SLC30A6: variants seen among roughly 807,000 people sequenced by gnomAD.
SLC30A6 encodes the protein zinc transporter 6.
A neutral mutation model predicts 63.0 loss-of-function variants in SLC30A6; 55 were observed. The ratio of observed to expected loss-of-function variants is 0.87; its 90% CI spans 0.70 to 1.09. The LOEUF is 1.09. Among genes scored for constraint, SLC30A6 ranks in the 50% least tolerant of loss-of-function variants. SLC30A6 has a pLI of 0.00. For synonymous variants in SLC30A6, 224 were observed against 186.1 expected (o/e 1.20, Z -1.66); for missense variants, 587 against 549.2 (o/e 1.07, Z -0.69).
chr2:32,178,368 AC>A (rs1167801193), intron 4 of SLC30A6, among the ~76,000 whole-genome samples: 1 of 151,910 alleles, frequency 6.6e-6, no homozygotes, highest in Non-Finnish European at 1.5e-5. Flanking sequence ...TTGCCTTGGT[AC>A]CCTTGTCAAA....
At chr2:32,180,598 A>G (rs1182795501) in intron 4 of SLC30A6, among the ~76,000 whole-genome samples, 4 of 151,782 alleles carry the variant, frequency 2.6e-5, no homozygotes, top group Non-Finnish European at 4.4e-5. Flanking sequence ...ATGCCCGGCT[A>G]ATTTTTGTAT....
intron 8 of SLC30A6, among the ~76,000 whole-genome samples, chr2:32,195,863 G>A (rs1046616762): frequency 2.0e-5 from 3 of 152,080 alleles, no homozygotes; most frequent in Non-Finnish European, 4.4e-5. Flanking sequence ...TTCATTAGCT[G>A]GAAATGGAGG....
intron 3 of SLC30A6, 152 bp downstream of exon 3, chr2:32,174,299 A>G (rs1200984301): frequency 6.2e-6 from 3 of 482,256 alleles, no homozygotes; most frequent in Non-Finnish European, 1.1e-5. Flanking sequence ...CTTCCCTGTA[A>G]ACTGTAAACT....
intron 8 of SLC30A6, among the ~76,000 whole-genome samples, 192 bp from the exon 9 acceptor site, chr2:32,197,152 T>C (rs1212918801): frequency 6.6e-6 from 1 of 152,204 alleles, no homozygotes; most frequent in Non-Finnish European, 1.5e-5. Flanking sequence ...GTATAATAGT[T>C]GAAACTGCTT....
At chr2:32,178,566 A>T (rs1682000293) in intron 4 of SLC30A6, among the ~76,000 whole-genome samples, 1 of 152,146 alleles carries the variant, frequency 6.6e-6, no homozygotes, top group Non-Finnish European at 1.5e-5. Context: ...CCAGCTACTC[A>T]GGAGGCTGAG....
At chr2:32,200,134 T>C (rs1261389116) in intron 10 of SLC30A6, among the ~76,000 whole-genome samples, 1 of 151,868 alleles carries the variant, frequency 6.6e-6, no homozygotes. Context: ...TATAAACATA[T>C]ATATATGTTT....
rs190711970 is a variant in SLC30A6 at position 32,211,555 on chromosome 2, G to A, written c.885+1994G>A. ...AAGTTCAGTACCTTTACTAGAATAT[G>A]TCTTGGCATTGGTCATTCTGCATGA... On this transcript the variant is annotated intron_variant, in intron 13 of 13. Coordinates refer to ENST00000282587, the MANE Select transcript of SLC30A6 (RefSeq NM_017964.5). Among the ~76,000 whole-genome samples, 1,055 of 151,542 alleles carry A rather than the reference G, an allele frequency of 7.0e-3. 12 individuals are homozygous for A. Among genetic ancestry groups the A allele is most frequent in the South Asian group, 0.041 (197 of 4,810 alleles).
chr2:32,187,041 G>A, intron 5 of SLC30A6: 1 of 370,396 alleles, frequency 2.7e-6, no homozygotes, highest in Middle Eastern at 3.8e-4. Flanking sequence ...ATGAGTTCGG[G>A]GGAAAAAATG....
intron 4 of SLC30A6, 91 bp downstream of exon 4, chr2:32,175,452 A>C: frequency 9.7e-7 from 1 of 1,031,040 alleles, no homozygotes; most frequent in Non-Finnish European, 1.5e-6. Flanking sequence ...TAAAAACAGC[A>C]ACTACTGATA....
chr2:32,209,949 A>T (rs1041677369), intron 13 of SLC30A6, among the ~76,000 whole-genome samples: 1 of 152,208 alleles, frequency 6.6e-6, no homozygotes, highest in African/African-American at 2.4e-5. Context: ...TAAAAGTGCA[A>T]TTGCTTTCTT....
rs1573454003 is a variant in SLC30A6, at chr2:32,221,615, A to G, written c.*902A>G. 6 of 152,242 alleles carry G rather than the reference A, an allele frequency of 3.9e-5. No individual in the cohort carries two copies. Among genetic ancestry groups the G allele is most frequent in the Admixed American group, 3.3e-4 (5 of 15,282 alleles). The allele number at this position is 152,242 out of a possible 1,614,324, so 9.4% of individuals were successfully genotyped here. A position where few individuals can be genotyped will look rare whatever the true frequency, so the allele number is the denominator to read the frequency against. On this transcript the variant is annotated 3_prime_UTR_variant, in exon 14 of 14. Coordinates refer to ENST00000282587, the MANE Select transcript of SLC30A6 (RefSeq NM_017964.5). Reference sequence around the variant, plus strand: ...GAGGTTCTCCTGAATTATGTCTTACAAACTAAAAGCAAAAATTTTTAGCAG... The same window carrying G: ...GAGGTTCTCCTGAATTATGTCTTACGAACTAAAAGCAAAAATTTTTAGCAG...
chr2:32,222,099 A>C lies in SLC30A6; in HGVS notation c.*1386A>C, dbSNP rs1411387041. 6.6e-6 allele frequency: 1 copy of C among 152,206 alleles called. No individual in the cohort carries two copies. 9.4% of individuals were successfully genotyped at this position (152,206 alleles called of 1,614,324 possible). The stretch of plus-strand genomic sequence containing the variant: ...GTTTCTTTTTGTTTTGCTTTGTCAA[A>C]AATGGGAAATTGTTAACTGTGATGA... On this transcript the variant is annotated 3_prime_UTR_variant, in exon 14 of 14. Coordinates refer to ENST00000282587, the MANE Select transcript of SLC30A6 (RefSeq NM_017964.5).
At chr2:32,212,786 CAG>C (rs1242483518) in intron 13 of SLC30A6, among the ~76,000 whole-genome samples, 1 of 150,030 alleles carries the variant, frequency 6.7e-6, no homozygotes, top group African/African-American at 2.5e-5. Context: ...TTGGTAGAAA[CAG>C]GGTTTCACCA....
At chr2:32,175,872 G>T (rs910671122) in intron 4 of SLC30A6, among the ~76,000 whole-genome samples, 3 of 152,032 alleles carry the variant, frequency 2.0e-5, no homozygotes, top group Non-Finnish European at 4.4e-5. Flanking sequence ...ACTTGGGAGG[G>T]TGAGGCATAA....
Position 32,203,697 on chromosome 2 carries a change from C to CT in SLC30A6, c.666-890dup, listed in dbSNP as rs1487072674. On this transcript the variant is annotated intron_variant, in intron 10 of 13. Coordinates refer to ENST00000282587, the MANE Select transcript of SLC30A6 (RefSeq NM_017964.5). ...TCCTGAAAGGAAATGTGCGTGTTTG[C>CT]TTTGATGTTCCTACAACTAAGTCAG... The CT allele has an allele frequency of 1.2e-5, 18 of 1,539,254 alleles. No individual in the cohort carries two copies. The Admixed American group carries it at 1.7e-4, about 14-fold the overall frequency.
intron 11 of SLC30A6, among the ~76,000 whole-genome samples, chr2:32,205,916 C>T (rs769632820): frequency 1.3e-5 from 2 of 151,848 alleles, no homozygotes; most frequent in Middle Eastern, 3.4e-3. Context: ...GAGCCACCCG[C>T]CTTGAACCTC....
intron 2 of SLC30A6, among the ~76,000 whole-genome samples, chr2:32,171,853 C>T (rs994277298): frequency 5.9e-5 from 9 of 152,120 alleles, no homozygotes; most frequent in South Asian, 2.1e-4. Flanking sequence ...CCACCACGCC[C>T]GGCTAATTTT....
intron 7 of SLC30A6, 74 bp downstream of exon 7, chr2:32,193,027 C>A: frequency 4.1e-6 from 4 of 986,164 alleles, no homozygotes; most frequent in Non-Finnish European, 5.9e-6. Flanking sequence ...AAACAGTTGG[C>A]CAATGTCAGA....
intron 12 of SLC30A6, among the ~76,000 whole-genome samples, chr2:32,208,964 A>G (rs1455794403): frequency 6.6e-6 from 1 of 152,176 alleles, no homozygotes; most frequent in South Asian, 2.1e-4. Context: ...ACTACTCTCA[A>G]CTAGTGAAGC....
Sources: allele counts gnomAD v4.1 joint callset (sites outside exome capture counted in the v4.1 genomes callset), GRCh38; gene constraint gnomAD v4.1.1; transcripts MANE v1.5; gene names NCBI Gene and HGNC (gene_info 2026-07-23, HGNC 2026-07-21).